Variants in ATP10B observed in about 807,000 individuals in gnomAD.
ATP10B encodes the protein phospholipid-transporting ATPase VB.
Under a neutral mutation model 141.2 loss-of-function variants are expected in ATP10B, and 122 were observed. The observed-to-expected ratio is 0.86, with a 90% CI of 0.75 to 1.00. The LOEUF is 1.00. Among genes scored for constraint, ATP10B ranks in the 50% least tolerant of loss-of-function variants. The pLI, the probability that ATP10B is intolerant of heterozygous loss-of-function variation, is 0.00. For synonymous variants in ATP10B, 685 were observed against 692.0 expected, an observed-to-expected ratio of 0.99 and a Z score of 0.16; for missense variants, 1,876 against 1,825.3, an observed-to-expected ratio of 1.03 and a Z score of -0.51.
chr5:160,648,050 C>T (rs1224567744), intron 8 of ATP10B, among the ~76,000 whole-genome samples: 2 of 152,128 alleles, frequency 1.3e-5, no homozygotes, highest in African/African-American at 4.8e-5. Context: ...GGGTTGGAGT[C>T]AAAAGACCCC....
At chr5:160,838,106 A>G (rs1228647359) in intron 1 of ATP10B, among the ~76,000 whole-genome samples, 4 of 152,192 alleles carry the variant, frequency 2.6e-5, no homozygotes, top group Non-Finnish European at 5.9e-5. Context: ...TTGCTGAACT[A>G]TACTTCATCA....
intron 1 of ATP10B, among the ~76,000 whole-genome samples, chr5:160,787,358 C>T (rs1175601549): frequency 6.6e-6 from 1 of 152,138 alleles, no homozygotes; most frequent in Non-Finnish European, 1.5e-5. Context: ...TTACTCACTT[C>T]TGCCACGTAC....
intron 2 of ATP10B, among the ~76,000 whole-genome samples, chr5:160,725,677 C>T (rs1211913229): frequency 6.6e-6 from 1 of 152,148 alleles, no homozygotes; most frequent in African/African-American, 2.4e-5. Flanking sequence ...GATCTCCTGA[C>T]CTCGTGATCT....
intron 1 of ATP10B, among the ~76,000 whole-genome samples, chr5:160,833,983 G>A (rs994727222): frequency 6.6e-6 from 1 of 151,960 alleles, no homozygotes; most frequent in Non-Finnish European, 1.5e-5. Flanking sequence ...CCATACTTGT[G>A]GGCAGTCATA....
chr5:160,761,635 G>A (rs1216191632), intron 2 of ATP10B, among the ~76,000 whole-genome samples: 1 of 152,126 alleles, frequency 6.6e-6, no homozygotes, highest in Admixed American at 6.5e-5. Context: ...CAAATGAGAA[G>A]GGACCAGAAA....
chr5:160,587,689 C>A (rs1392966813), intron 24 of ATP10B, among the ~76,000 whole-genome samples: 1 of 152,132 alleles, frequency 6.6e-6, no homozygotes, highest in Non-Finnish European at 1.5e-5. Context: ...CTCTTTGTAG[C>A]AATTGTGATT....
At chr5:160,596,086 C>T (rs930235838) in intron 22 of ATP10B, among the ~76,000 whole-genome samples, 12 of 151,438 alleles carry the variant, frequency 7.9e-5, no homozygotes, top group Non-Finnish European at 1.6e-4. Context: ...AGAGACACAA[C>T]CAAAAAAGAG....
In ATP10B at chr5:160,649,251, T is replaced by C. The variant is rs761363868; in HGVS notation, c.681A>G (p.Val227=). The C allele has an allele frequency of 3.1e-6, 5 of 1,612,560 alleles. No individual in the cohort carries two copies. The Admixed American group carries it at 8.3e-5, about 27-fold the overall frequency. ...CVVKGFSQQE[V]QFEPELFHNT... ...TGTGGAAAAGCTCTGGTTCGAACTGTACCTCCTGTGAGAGAGAGGACTCTG... is the reference window on the plus strand; with the variant it reads ...TGTGGAAAAGCTCTGGTTCGAACTGCACCTCCTGTGAGAGAGAGGACTCTG... Residue 227 remains valine (V), a synonymous_variant, in exon 8 of 26, where the codon GTA becomes GTG. Transcript: ENST00000327245.
At chr5:160,854,196 A>G (rs978768065), upstream of ATP10B, among the ~76,000 whole-genome samples, 4 of 152,088 alleles carry the variant, frequency 2.6e-5, no homozygotes, top group Non-Finnish European at 5.9e-5. Flanking sequence ...ATTTTTTATT[A>G]TACTTTAAAG....
chr5:160,809,229 A>G (rs555885503), intron 1 of ATP10B, among the ~76,000 whole-genome samples: 3 of 152,324 alleles, frequency 2.0e-5, no homozygotes, highest in African/African-American at 7.2e-5. Flanking sequence ...TAAAAATAAG[A>G]GAAAAATTCT....
chr5:160,880,774 C>T, the ATP10B span, among the ~76,000 whole-genome samples: 1 of 152,126 alleles, frequency 6.6e-6, no homozygotes, highest in African/African-American at 2.4e-5. Context: ...GATCTTACAT[C>T]TTTCACAAAG....
intron 6 of ATP10B, among the ~76,000 whole-genome samples, chr5:160,679,673 C>T (rs1372051343): frequency 1.3e-5 from 2 of 152,184 alleles, no homozygotes; most frequent in Admixed American, 1.3e-4. Context: ...TTTGAGGGCA[C>T]ATAAGGTTTG....
At chr5:160,632,964 A>C (rs1389277304) in intron 12 of ATP10B, 1 of 152,262 alleles carries the variant, frequency 6.6e-6, no homozygotes, top group Non-Finnish European at 1.5e-5. Flanking sequence ...AACATATGAA[A>C]AAAAGCTCAT....
intron 1 of ATP10B, among the ~76,000 whole-genome samples, chr5:160,796,984 G>A (rs1430728931): frequency 6.6e-6 from 1 of 152,172 alleles, no homozygotes; most frequent in African/African-American, 2.4e-5. Context: ...AAGGAGGCAG[G>A]AATCTAGAGA....
At chr5:160,665,702 C>A (rs982649799) in intron 7 of ATP10B, among the ~76,000 whole-genome samples, 1 of 152,146 alleles carries the variant, frequency 6.6e-6, no homozygotes, top group Non-Finnish European at 1.5e-5. Context: ...TCTATGTGAG[C>A]TGGGACAAAG....
At chr5:160,856,373 G>A (rs992560082), upstream of ATP10B, among the ~76,000 whole-genome samples, 2 of 151,766 alleles carry the variant, frequency 1.3e-5, no homozygotes, top group Non-Finnish European at 1.5e-5. Context: ...TGCAATTTTG[G>A]TGACTTGCTC....
intron 2 of ATP10B, among the ~76,000 whole-genome samples, chr5:160,721,865 A>AG (rs1766020953): frequency 6.6e-6 from 1 of 152,202 alleles, no homozygotes; most frequent in African/African-American, 2.4e-5. Flanking sequence ...ACAACTCCAA[A>AG]GCTGGTCCTG....
chr5:160,745,238 A>T (rs927104240), intron 2 of ATP10B, among the ~76,000 whole-genome samples: 1 of 152,114 alleles, frequency 6.6e-6, no homozygotes, highest in Non-Finnish European at 1.5e-5. Flanking sequence ...ACTTTTTTTT[A>T]AAAAGGTTTT....
chr5:160,687,748 G>A, intron 5 of ATP10B, 52 bp downstream of exon 5: 1 of 1,566,788 alleles, frequency 6.4e-7, no homozygotes. Context: ...CTGGGGAACA[G>A]AATGAGACTC....
Sources: gnomAD v4.1 joint callset for allele counts (sites outside exome capture counted in the v4.1 genomes callset) on GRCh38, gnomAD v4.1.1 for gene constraint, MANE v1.5 for transcripts, NCBI Gene and HGNC (gene_info 2026-07-23, HGNC 2026-07-21) for gene names.